The following ZNF92 variants were observed in gnomAD, a reference collection of about 807,000 sequenced individuals.
The protein encoded by ZNF92 is zinc finger protein 92, also known as epididymis luminal protein 203.
In ZNF92, 11 loss-of-function variants were observed where a neutral mutation model predicts 12.4. The ratio of observed to expected loss-of-function variants is 0.89; its 90% CI spans 0.56 to 1.47. The LOEUF (loss-of-function observed/expected upper bound fraction) is 1.47. Ranked by LOEUF, ZNF92 falls within the 40% of genes most tolerant of loss-of-function variation. ZNF92 has a pLI of 0.00. For missense variants in ZNF92, 622 were observed against 681.0 expected, an observed-to-expected ratio of 0.91 and a Z score of 0.96; for synonymous variants, 206 against 228.6, an observed-to-expected ratio of 0.90 and a Z score of 0.89.
At chr7:65,396,416 A>G (rs761096276) in intron 3 of ZNF92, among the ~76,000 whole-genome samples, 4 of 152,070 alleles carry the variant, frequency 2.6e-5, no homozygotes, top group Non-Finnish European at 4.4e-5. Flanking sequence ...TGAAGATTAT[A>G]TAAAACATCT....
intron 1 of ZNF92, among the ~76,000 whole-genome samples, chr7:65,377,512 G>A (rs1793277007): frequency 6.6e-6 from 1 of 152,036 alleles, no homozygotes; most frequent in South Asian, 2.1e-4. Context: ...AGTTTCTAGA[G>A]GCAGTTTGTT....
In ZNF92 at chr7:65,401,028, A is replaced by G. The variant is rs1794000223; in HGVS notation, c.*1153A>G. 6.6e-6 allele frequency: 1 copy of G among 152,030 alleles called. No homozygotes were observed. Among genetic ancestry groups the G allele is most frequent in the African/African-American group, 2.4e-5 (1 of 41,416 alleles). 9.4% of individuals were successfully genotyped at this position (152,030 alleles called of 1,614,324 possible). ...GTGAGAAAAAAACATTTTAAAATTA[A>G]TTATCATTTTGTTGATTGTGCTTTT... On this transcript the variant is annotated 3_prime_UTR_variant, in exon 4 of 4. Transcript: ENST00000328747.
At chr7:65,389,963 C>T (rs1793668243) in intron 3 of ZNF92, among the ~76,000 whole-genome samples, 1 of 151,914 alleles carries the variant, frequency 6.6e-6, no homozygotes, top group South Asian at 2.1e-4. Context: ...TGCCAAGTAG[C>T]TGGGACTACA....
intron 1 of ZNF92, among the ~76,000 whole-genome samples, chr7:65,384,658 T>A (rs1159318627): frequency 6.6e-6 from 1 of 152,010 alleles, no homozygotes; most frequent in African/African-American, 2.4e-5. Flanking sequence ...ATAAACACAA[T>A]AAAAATTCCT....
At chr7:65,385,967 GTTTGT>G (rs576556926) in intron 1 of ZNF92, among the ~76,000 whole-genome samples, 3 of 151,846 alleles carry the variant, frequency 2.0e-5, no homozygotes, top group East Asian at 1.9e-4. Context: ...TCCCTAATGA[GTTTGT>G]TTTAACTACT....
intron 3 of ZNF92, among the ~76,000 whole-genome samples, chr7:65,397,439 T>A (rs1793871736): frequency 1.3e-5 from 2 of 152,006 alleles, no homozygotes; most frequent in Admixed American, 1.3e-4. Context: ...ATCGTCTGTG[T>A]TTCTGTTTCA....
Position 65,398,144 on chromosome 7 carries a change from CATTT to C in ZNF92, c.227-194_227-191del, listed in dbSNP as rs1158735345. 2.0e-5 allele frequency among the ~76,000 whole-genome samples: 3 copies of C among 152,174 alleles called. No homozygotes were observed. In the South Asian group the frequency reaches 6.2e-4, roughly 32 times the overall value. Reference sequence around the variant, plus strand: ...CCTGGGGCACTGTACACATTTAACTCATTTATAGCTTTTCCACAAATGTATTTTG... The same window carrying C: ...CCTGGGGCACTGTACACATTTAACTCATAGCTTTTCCACAAATGTATTTTG... On this transcript the variant is annotated intron_variant, in intron 3 of 3. Coordinates refer to ENST00000328747, the MANE Select transcript of ZNF92 (RefSeq NM_152626.4).
At chr7:65,378,866 C>T (rs371553646) in intron 1 of ZNF92, among the ~76,000 whole-genome samples, 1 of 152,164 alleles carries the variant, frequency 6.6e-6, no homozygotes, top group African/African-American at 2.4e-5. Flanking sequence ...AGAGCACCAT[C>T]TAAGTCATAA....
In ZNF92 at chr7:65,398,615, T is replaced by C. The variant is rs1232767695; in HGVS notation, c.501T>C (p.His167=). The C allele has an allele frequency of 6.2e-7, 1 of 1,611,762 alleles. No homozygotes were observed. Among genetic ancestry groups the C allele is most frequent in the South Asian group, 1.1e-5 (1 of 90,578 alleles). The part of the protein sequence containing the change: ...FPNVNRNKIR[H]TGKKPFKCKN... ...ATGTAAATAGAAATAAGATAAGACA[T>C]ACTGGAAAGAAACCTTTCAAATGTA... is the stretch of plus-strand genomic sequence containing the variant. Residue 167 remains histidine (H), a synonymous_variant, in exon 4 of 4, where the codon CAT becomes CAC. Transcript: ENST00000328747.
At chr7:65,381,870 A>G (rs926079598) in intron 1 of ZNF92, among the ~76,000 whole-genome samples, 1 of 152,006 alleles carries the variant, frequency 6.6e-6, no homozygotes, top group African/African-American at 2.4e-5. Flanking sequence ...TGGGCTCTCT[A>G]TTCTGTTGCA....
At chr7:65,397,010 C>CT (rs201444012) in intron 3 of ZNF92, among the ~76,000 whole-genome samples, 10 of 149,622 alleles carry the variant, frequency 6.7e-5, no homozygotes, top group East Asian at 2.0e-4. Flanking sequence ...CTCTGTACTA[C>CT]TTTTTTTTTT....
At chr7:65,380,303 C>G (rs937147302) in intron 1 of ZNF92, among the ~76,000 whole-genome samples, 17 of 152,114 alleles carry the variant, frequency 1.1e-4, no homozygotes, top group African/African-American at 3.6e-4. Context: ...CTCTGTCGCC[C>G]AGGCTGGAGT....
chr7:65,382,806 A>G (rs1309067420), intron 1 of ZNF92, among the ~76,000 whole-genome samples: 1 of 152,102 alleles, frequency 6.6e-6, no homozygotes, highest in African/African-American at 2.4e-5. Flanking sequence ...GCGGCTCCAC[A>G]TTCTGAATCT....
intron 1 of ZNF92, among the ~76,000 whole-genome samples, chr7:65,379,663 C>T (rs1396982739): frequency 2.0e-5 from 3 of 152,128 alleles, no homozygotes; most frequent in Admixed American, 2.0e-4. Flanking sequence ...ACAAAATTGT[C>T]TACAAGTCTC....
chr7:65,375,578 G>T (rs1280412239), intron 1 of ZNF92, among the ~76,000 whole-genome samples: 3 of 151,684 alleles, frequency 2.0e-5, no homozygotes, highest in African/African-American at 7.3e-5. Flanking sequence ...CTGTCCCCAG[G>T]ATTCTCTAAG....
At chr7:65,389,967 G>T (rs1313633041) in intron 3 of ZNF92, among the ~76,000 whole-genome samples, 1 of 151,876 alleles carries the variant, frequency 6.6e-6, no homozygotes, top group Non-Finnish European at 1.5e-5. Context: ...AAGTAGCTGG[G>T]ACTACAGGTG....
rs148416962 is a variant in ZNF92 at position 65,382,314 on chromosome 7, C to T, written c.4-5588C>T. On this transcript the variant is annotated intron_variant, in intron 1 of 3. Coordinates refer to ENST00000328747, the MANE Select transcript of ZNF92 (RefSeq NM_152626.4). The stretch of plus-strand genomic sequence containing the variant: ...TTTCTGTTTTATCATTGTGGAGTTA[C>T]TCTGGGGCTGGAGAAAACTTTCCTT... 4.6e-3 allele frequency among the ~76,000 whole-genome samples: 695 copies of T among 152,028 alleles called. 5 individuals are homozygous for T. Among genetic ancestry groups the T allele is most frequent in the African/African-American group, 0.015 (617 of 41,462 alleles).
intron 3 of ZNF92, among the ~76,000 whole-genome samples, chr7:65,389,185 T>C (rs11769688): frequency 0.25 from 37,907 of 151,874 alleles, 6,197 homozygotes; most frequent in Non-Finnish European, 0.35. Context: ...TCTCGAACTC[T>C]CGACTTCAGG....
intron 1 of ZNF92, among the ~76,000 whole-genome samples, chr7:65,382,177 A>G (rs1161176477): frequency 6.6e-6 from 1 of 151,958 alleles, no homozygotes; most frequent in Non-Finnish European, 1.5e-5. Flanking sequence ...GGTACTGTAA[A>G]TTCTTCTACT....
Sources: allele counts gnomAD v4.1 joint callset (sites outside exome capture counted in the v4.1 genomes callset), GRCh38; gene constraint gnomAD v4.1.1; transcripts MANE v1.5; gene names NCBI Gene and HGNC (gene_info 2026-07-23, HGNC 2026-07-21).